The following NPDC1 variants were observed in gnomAD, a reference collection of about 807,000 sequenced individuals.
NPDC1 encodes neural proliferation, differentiation and control 1, also known as neural proliferation differentiation and control protein 1.
NPDC1 carries 18 observed loss-of-function variants against 32.5 expected under a neutral mutation model. The observed-to-expected ratio is 0.55, with a 90% CI of 0.38 to 0.82. NPDC1 has a LOEUF of 0.82. Among genes scored for constraint, NPDC1 ranks in the 40% least tolerant of loss-of-function variants. The probability of loss-of-function intolerance (pLI) is 0.00; values close to 1 mark genes in which losing one functional copy is unlikely to be tolerated. For missense variants in NPDC1, 468 were observed against 406.6 expected (o/e 1.15, Z -1.30); for synonymous variants, 210 against 184.7 (o/e 1.14, Z -1.11).
intron 7 of NPDC1, 31 bp downstream of exon 7, chr9:137,040,326 T>TG (rs1832026876): frequency 1.4e-6 from 1 of 700,116 alleles, no homozygotes; most frequent in African/African-American, 5.9e-5. Context: ...GGTGGGTGGG[T>TG]GGGGGTGGCA....
intron 4 of NPDC1, 22 bp from the exon 5 acceptor site, chr9:137,040,759 G>C: frequency 6.3e-7 from 1 of 1,587,202 alleles, no homozygotes; most frequent in Non-Finnish European, 8.5e-7. Context: ...GGCGTGTGAG[G>C]GCGGCCTTCT....
chr9:137,043,086 C>A lies in NPDC1; in HGVS notation c.113-13G>T, dbSNP rs998460356. 11 of 1,612,010 alleles carry A rather than the reference C, an allele frequency of 6.8e-6. No individual in the cohort carries two copies. Among genetic ancestry groups the A allele is most frequent in the East Asian group, 6.7e-5 (3 of 44,854 alleles). On this transcript the variant is annotated splice_polypyrimidine_tract_variant and intron_variant, in intron 1 of 8. Coordinates refer to ENST00000371601, the MANE Select transcript of NPDC1 (RefSeq NM_015392.4). ...CAGGCGGCTACATCTGGGAAGGAAGCAGAAGGCAGGGCCGGCTCACGGCCC... is the reference window on the plus strand; with the variant it reads ...CAGGCGGCTACATCTGGGAAGGAAGAAGAAGGCAGGGCCGGCTCACGGCCC...
rs1406885753 is a variant in NPDC1, at chr9:137,040,544, G to A, written c.678C>T (p.Ala226=). The A allele has an allele frequency of 4.4e-6, 7 of 1,588,620 alleles. No individual in the cohort carries two copies. The highest frequency in any genetic ancestry group is 2.3e-5 in the East Asian group (1 of 43,940). ...TQKADYATAK[A]PGSPAAPRIS... The stretch of plus-strand genomic sequence containing the variant: ...TCCGGGGAGCTGCAGGTGAGCCAGG[G>A]GCCTTCGCAGTGGCGTAGTCGGCCT... The change falls in exon 6 of 9, where the codon GCC becomes GCT. Residue 226 remains alanine (A), a synonymous_variant. Transcript: ENST00000371601.
chr9:137,040,885 G>A lies in NPDC1; in HGVS notation c.485C>T (p.Pro162Leu), dbSNP rs1267209802. 2 of 1,594,866 alleles carry A rather than the reference G, an allele frequency of 1.3e-6. No homozygotes were observed. The highest frequency in any genetic ancestry group is 1.7e-6 in the Non-Finnish European group (2 of 1,173,442). ...CATGTGCACCGGGTCGGATGACACA[G>A]GGGAGCCCAGGGAGGTGTGGGGCGT... ...TPTPHTSLGS[P>L]VSSDPVHMSP... Residue 162 changes from proline to leucine, a missense_variant, in exon 4 of 9, where the codon CCT (proline) becomes CTT (leucine). Transcript: ENST00000371601.
chr9:137,040,389 C>G lies in NPDC1; in HGVS notation c.756G>C (p.Gln252His). ...LAQSAEMYHY[Q>H]HQRQQMLCLE... The stretch of plus-strand genomic sequence containing the variant: ...GGCACAGCATCTGTTGCCGTTGGTG[C>G]TGGTAGTGGTACATCTCCGCGCTCT... The change falls in exon 7 of 9, where the codon CAG becomes CAC. Residue 252 changes from glutamine (Q) to histidine (H), a missense_variant. Gln to His is a conservative substitution (Grantham distance 24). Coordinates refer to ENST00000371601, the MANE Select transcript of NPDC1 (RefSeq NM_015392.4). 6.5e-7 allele frequency: 1 copy of G among 1,547,496 alleles called. No homozygotes were observed. The highest frequency in any genetic ancestry group is 8.7e-7 in the Non-Finnish European group (1 of 1,146,922).
Position 137,039,745 on chromosome 9 carries a change from G to T in NPDC1, c.*27C>A, listed in dbSNP as rs1016683647. 2.7e-6 allele frequency: 2 copies of T among 736,686 alleles called. No individual in the cohort carries two copies. The highest frequency in any genetic ancestry group is 2.3e-4 in the Middle Eastern group (1 of 4,324). 45.6% of individuals were successfully genotyped at this position (736,686 alleles called of 1,614,324 possible). On this transcript the variant is annotated 3_prime_UTR_variant, in exon 9 of 9. Coordinates refer to ENST00000371601, the MANE Select transcript of NPDC1 (RefSeq NM_015392.4). ...TCCCCGGGGGCCTCGAGGTCGGGGA[G>T]CAGGTGGGCGTCTGTCTGCCTCCAG...
In NPDC1 at chr9:137,045,990, C is replaced by T; in HGVS notation, c.-1G>A. ...AGGGCGGAGGCAGCGGCGTCGCCAT[C>T]CTTCAGCGCCGCCGCCGGGGCAGCA... On this transcript the variant is annotated 5_prime_UTR_variant, in exon 1 of 9. Transcript: ENST00000371601. 8 of 1,193,730 alleles carry T rather than the reference C, an allele frequency of 6.7e-6. No individual in the cohort carries two copies. In the South Asian group the frequency reaches 2.9e-4, roughly 44 times the overall value. 73.9% of individuals were successfully genotyped at this position (1,193,730 alleles called of 1,614,324 possible). A position where few individuals can be genotyped will look rare whatever the true frequency, so the allele number is the denominator to read the frequency against.
At position 137,040,662 on chromosome 9, in the gene NPDC1, C is replaced by A; in HGVS notation, c.623+9G>T. The A allele has an allele frequency of 6.4e-7, 1 of 1,573,792 alleles. No individual in the cohort carries two copies. Among genetic ancestry groups the A allele is most frequent in the South Asian group, 1.2e-5 (1 of 86,476 alleles). ...ACCCTCCCTGCCCTGCCCGCGGCCA[C>A]TGGCTCACCTGCACCAGCAGAGGGA... On this transcript the variant is annotated intron_variant, in intron 5 of 8. Transcript: ENST00000371601.
intron 2 of NPDC1, among the ~76,000 whole-genome samples, chr9:137,042,259 CT>C (rs1160185429): frequency 1.1e-3 from 163 of 146,174 alleles, no homozygotes; most frequent in Admixed American, 1.0e-3. Context: ...CAGGCTGCTG[CT>C]TTTTTTTTTT....
rs534823424 is a variant in NPDC1 at position 137,045,665 on chromosome 9, C to T, written c.112+213G>A. Among the ~76,000 whole-genome samples, 5 of 152,326 alleles carry T rather than the reference C, an allele frequency of 3.3e-5. No individual in the cohort carries two copies. The East Asian group carries it at 9.6e-4, about 29-fold the overall frequency. On this transcript the variant is annotated intron_variant, in intron 1 of 8. Coordinates refer to ENST00000371601, the MANE Select transcript of NPDC1 (RefSeq NM_015392.4). ...TCTGGGAACCGGCAGAAGCCCCATC[C>T]GGCGCGGCCTTTTGGAGGCTCCGCG...
At position 137,045,870 on chromosome 9, in the gene NPDC1, T is replaced by A. The variant is rs1186905831; in HGVS notation, c.112+8A>T. On this transcript the variant is annotated splice_region_variant and intron_variant, in intron 1 of 8. Transcript: ENST00000371601. ...GCCCCGCGGCCTGCGCCCAGCGCGCTCGCTCACCCGGGTGGCCGGCGGCGG... is the reference window on the plus strand; with the variant it reads ...GCCCCGCGGCCTGCGCCCAGCGCGCACGCTCACCCGGGTGGCCGGCGGCGG... 9.6e-7 allele frequency: 1 copy of A among 1,045,136 alleles called. No individual in the cohort carries two copies. The highest frequency in any genetic ancestry group is 1.1e-6 in the Non-Finnish European group (1 of 870,426). 64.7% of individuals were successfully genotyped at this position (1,045,136 alleles called of 1,614,324 possible).
chr9:137,040,229 T>C, intron 7 of NPDC1, 128 bp downstream of exon 7: 1 of 850,152 alleles, frequency 1.2e-6, no homozygotes, highest in South Asian at 1.6e-5. Flanking sequence ...GCGGGGGAGG[T>C]GAAGGTTAGC....
chr9:137,042,539 G>C (rs1359477301), intron 2 of NPDC1, among the ~76,000 whole-genome samples: 1 of 150,230 alleles, frequency 6.7e-6, no homozygotes, highest in Non-Finnish European at 1.5e-5. Flanking sequence ...TTACAGGCGT[G>C]AGCCACTGCT....
chr9:137,044,378 G>C (rs1832098085), intron 1 of NPDC1, among the ~76,000 whole-genome samples: 1 of 152,030 alleles, frequency 6.6e-6, no homozygotes, highest in Non-Finnish European at 1.5e-5. Context: ...CGCCAACTTG[G>C]CACCTGGGGA....
In NPDC1 at chr9:137,039,637, T is replaced by A. The variant is rs1564245481; in HGVS notation, c.*135A>T. 3.4e-6 allele frequency: 2 copies of A among 593,586 alleles called. No homozygotes were observed. The highest frequency in any genetic ancestry group is 2.8e-5 in the East Asian group (1 of 35,484). The allele number at this position is 593,586 out of a possible 1,614,324, so 36.8% of individuals were successfully genotyped here. On this transcript the variant is annotated 3_prime_UTR_variant, in exon 9 of 9. Coordinates refer to ENST00000371601, the MANE Select transcript of NPDC1 (RefSeq NM_015392.4). Reference sequence around the variant, plus strand: ...GTTCGGGGGTCTCCCTGGCAAGGGGTCCCAGGGCCTGGAGCCCGAGGCCCA... The same window carrying A: ...GTTCGGGGGTCTCCCTGGCAAGGGGACCCAGGGCCTGGAGCCCGAGGCCCA...
Position 137,040,801 on chromosome 9 carries a change from G to GACCAAGGGGCACC in NPDC1, c.556+12_556+13insGGTGCCCCTTGGT. ...CGCCCTGCTGCCCCTGCCCACCCCC[G>GACCAAGGGGCACC]ACCAAGACCTACCAAGGGCGAGGCC... On this transcript the variant is annotated intron_variant, in intron 4 of 8. Coordinates refer to ENST00000371601, the MANE Select transcript of NPDC1 (RefSeq NM_015392.4). 1 of 1,589,160 alleles carries GACCAAGGGGCACC rather than the reference G, an allele frequency of 6.3e-7. No homozygotes were observed. Among genetic ancestry groups the GACCAAGGGGCACC allele is most frequent in the Non-Finnish European group, 8.5e-7 (1 of 1,172,948 alleles).
Position 137,040,551 on chromosome 9 carries a change from G to A in NPDC1, c.671C>T (p.Ala224Val), listed in dbSNP as rs557931013. 8.3e-5 allele frequency: 131 copies of A among 1,587,598 alleles called. No individual in the cohort carries two copies. Among genetic ancestry groups the A allele is most frequent in the Non-Finnish European group, 1.0e-4 (119 of 1,172,840 alleles). ...RLTQKADYAT[A>V]KAPGSPAAPR... ...AGCTGCAGGTGAGCCAGGGGCCTTC[G>A]CAGTGGCGTAGTCGGCCTTCTGAGT... Residue 224 changes from alanine to valine, a missense_variant, in exon 6 of 9, where the codon GCG (alanine) becomes GTG (valine). Transcript: ENST00000371601.
chr9:137,039,997 C>T lies in NPDC1; in HGVS notation c.859G>A (p.Val287Met). The T allele has an allele frequency of 1.3e-6, 1 of 779,232 alleles. No individual in the cohort carries two copies. The allele number at this position is 779,232 out of a possible 1,614,324, so 48.3% of individuals were successfully genotyped here. ...GGGGCCAGGCCCGGGCACTCGTACA[C>T]CGTGAAGTCTCCGTCCTCATTCTCC... ...DEENEDGDFT[V>M]YECPGLAPTG... The change falls in exon 8 of 9, where the codon GTG (valine) becomes ATG (methionine). Residue 287 changes from valine to methionine, a missense_variant. By Grantham distance (21) the Val-to-Met change is conservative (BLOSUM62 1). Transcript: ENST00000371601.
Position 137,039,496 on chromosome 9 carries a change from G to A in NPDC1, c.*276C>T, listed in dbSNP as rs1466118813. On this transcript the variant is annotated 3_prime_UTR_variant, in exon 9 of 9. Transcript: ENST00000371601. ...CTGAAATGGACTTTAATTGGCTTTT[G>A]TCTCTAGAATTACCCACCCGTTCCT... 1 of 388,206 alleles carries A rather than the reference G, an allele frequency of 2.6e-6. No homozygotes were observed. The highest frequency in any genetic ancestry group is 4.6e-6 in the Non-Finnish European group (1 of 216,698). 24.0% of individuals were successfully genotyped at this position (388,206 alleles called of 1,614,324 possible). A position where few individuals can be genotyped will look rare whatever the true frequency, so the allele number is the denominator to read the frequency against.
Sources: gnomAD v4.1 joint callset for allele counts (sites outside exome capture counted in the v4.1 genomes callset) on GRCh38, gnomAD v4.1.1 for gene constraint, MANE v1.5 for transcripts, NCBI Gene and HGNC (gene_info 2026-07-23, HGNC 2026-07-21) for gene names.